Variants in DMD observed in about 807,000 individuals in gnomAD.
DMD encodes dystrophin.
In DMD, 63 loss-of-function variants were observed where a neutral mutation model predicts 330.1. That is an observed-to-expected ratio of 0.19 (90% CI 0.16 to 0.24). The LOEUF (loss-of-function observed/expected upper bound fraction) is 0.24, where lower values mean the gene tolerates loss of function less well. Ranked by LOEUF, DMD falls within the 10% of genes least tolerant of loss-of-function variation. The pLI, the probability that DMD is intolerant of heterozygous loss-of-function variation, is 1.00. For synonymous variants in DMD, 1,223 were observed against 959.8 expected (o/e 1.27, Z -5.07); for missense variants, 3,344 against 2,684.1 (o/e 1.25, Z -5.43).
At chrX:32,958,532 T>C (rs758557783) in intron 2 of DMD, among the ~76,000 whole-genome samples, 9 of 111,205 alleles carry the variant, frequency 8.1e-5, no homozygotes, top group Non-Finnish European at 1.7e-4. Context: ...TTCCACTTAT[T>C]ATATCTCTAA....
At chrX:32,712,557 G>T (rs1383168223) in intron 7 of DMD, among the ~76,000 whole-genome samples, 2 of 111,422 alleles carry the variant, frequency 1.8e-5, no homozygotes, top group African/African-American at 3.3e-5. Context: ...GAAGATATTT[G>T]TACTATGCAT....
At chrX:32,771,714 T>A (rs1193263945) in intron 7 of DMD, among the ~76,000 whole-genome samples, 3 of 111,572 alleles carry the variant, frequency 2.7e-5, no homozygotes, top group Non-Finnish European at 5.6e-5. Context: ...TCTGTACCAC[T>A]TTTGCTATTT....
intron 60 of DMD, among the ~76,000 whole-genome samples, chrX:31,370,494 T>G (rs1041069533): frequency 8.9e-6 from 1 of 112,242 alleles, no homozygotes; most frequent in Non-Finnish European, 1.9e-5. Context: ...GAGATATTCC[T>G]ACACACATAT....
intron 2 of DMD, among the ~76,000 whole-genome samples, chrX:32,864,728 C>T (rs2082347667): frequency 8.9e-6 from 1 of 111,894 alleles, no homozygotes; most frequent in Non-Finnish European, 1.9e-5. Flanking sequence ...TATTTTAGAG[C>T]ACACTGCAAA....
intron 62 of DMD, among the ~76,000 whole-genome samples, chrX:31,307,605 A>C (rs111540108): frequency 9.1e-6 from 1 of 109,412 alleles, no homozygotes; most frequent in Non-Finnish European, 1.9e-5. Flanking sequence ...TACCAAAAAA[A>C]CCCCAAAAAA....
chrX:32,953,031 A>T (rs923454186), intron 2 of DMD, among the ~76,000 whole-genome samples: 2 of 106,887 alleles, frequency 1.9e-5, no homozygotes, highest in African/African-American at 3.4e-5. Context: ...GCTACTCGGG[A>T]GGCTGAGGCA....
intron 2 of DMD, among the ~76,000 whole-genome samples, chrX:32,952,983 A>G (rs1345701503): frequency 2.7e-5 from 3 of 109,688 alleles, no homozygotes; most frequent in Non-Finnish European, 5.7e-5. Context: ...AAAAATACAA[A>G]AAATAGTTGG....
chrX:32,483,146 CAT>C (rs201134649), intron 21 of DMD, among the ~76,000 whole-genome samples: 785 of 39,177 alleles, frequency 0.02, 73 homozygotes, highest in South Asian at 0.073. Context: ...TTTTTCATTC[CAT>C]ATATATATAT....
intron 12 of DMD, among the ~76,000 whole-genome samples, chrX:32,598,588 T>A (rs1331067605): frequency 8.9e-6 from 1 of 112,197 alleles, no homozygotes; most frequent in Non-Finnish European, 1.9e-5. Flanking sequence ...AATTGCTTTT[T>A]CACAATTTTA....
intron 43 of DMD, among the ~76,000 whole-genome samples, chrX:32,249,112 A>G (rs1569553227): frequency 9.0e-6 from 1 of 111,557 alleles, no homozygotes; most frequent in Non-Finnish European, 1.9e-5. Context: ...ATGCTCTACC[A>G]TAAGAATTAC....
rs73617071 is a variant in DMD at position 31,293,248 on chromosome X, A to G, written c.9224+30350T>C. On this transcript the variant is annotated intron_variant, in intron 62 of 78. Transcript: ENST00000357033. ...GTGTGTGTGTGTGTGTGTGTGTGTA[A>G]TCTGGTTTAGGGCTACTGATAATGT... 4.5e-3 allele frequency among the ~76,000 whole-genome samples: 225 copies of G among 49,766 alleles called. 1 individual carries two copies. The highest frequency in any genetic ancestry group is 0.031 in the African/African-American group (203 of 6,603). The allele number at this position is 49,766 out of a possible 115,157, so 43.2% of individuals were successfully genotyped here.
chrX:31,868,565 G>A (rs1488635356), intron 48 of DMD, among the ~76,000 whole-genome samples: 1 of 111,977 alleles, frequency 8.9e-6, no homozygotes, highest in Non-Finnish European at 1.9e-5. Flanking sequence ...AGAGTCAGAT[G>A]TGACCAGTTT....
At chrX:31,323,511 T>C (rs1180770077) in intron 62 of DMD, 87 bp downstream of exon 62, 4 of 776,779 alleles carry the variant, frequency 5.1e-6, no homozygotes, top group African/African-American at 4.1e-5. Context: ...GCCAGGCTAA[T>C]GTCGCATTTT....
Position 32,519,305 on chromosome X carries a change from G to T in DMD, c.2169-1174C>A, listed in dbSNP as rs1424271338. Among the ~76,000 whole-genome samples, 7 of 101,413 alleles carry T rather than the reference G, an allele frequency of 6.9e-5. No homozygotes were observed. In the Admixed American group the frequency reaches 7.6e-4, roughly 11 times the overall value. 88.1% of individuals were successfully genotyped at this position (101,413 alleles called of 115,157 possible). A position where few individuals can be genotyped will look rare whatever the true frequency, so the allele number is the denominator to read the frequency against. On this transcript the variant is annotated intron_variant, in intron 17 of 78. Transcript: ENST00000357033. ...AAAAATCAAACTAAAAGAAACAGAA[G>T]ACAATGTTCATTTCCAGGAGCTGGT...
At chrX:32,620,443 G>C in intron 11 of DMD, among the ~76,000 whole-genome samples, 1 of 112,228 alleles carries the variant, frequency 8.9e-6, no homozygotes. Context: ...CAATAATTTA[G>C]ATTGCACTAT....
At chrX:32,124,794 G>A (rs770642615) in intron 44 of DMD, among the ~76,000 whole-genome samples, 17 of 110,607 alleles carry the variant, frequency 1.5e-4, no homozygotes, top group Admixed American at 7.8e-4. Flanking sequence ...AATTTGTGGA[G>A]GGGGTGACCA....
intron 54 of DMD, among the ~76,000 whole-genome samples, chrX:31,647,583 G>A (rs1273981236): frequency 8.9e-6 from 1 of 111,978 alleles, no homozygotes; most frequent in Non-Finnish European, 1.9e-5. Flanking sequence ...TTAAAAAAGA[G>A]GTTGTGATAA....
chrX:31,232,582 G>A (rs1368289016), intron 63 of DMD, among the ~76,000 whole-genome samples: 1 of 111,451 alleles, frequency 9.0e-6, no homozygotes, highest in Non-Finnish European at 1.9e-5. Flanking sequence ...TAGCCAAGAA[G>A]TCTCAGAAAT....
intron 43 of DMD, among the ~76,000 whole-genome samples, chrX:32,244,230 G>C (rs1045146104): frequency 1.3e-4 from 14 of 105,585 alleles, no homozygotes; most frequent in Non-Finnish European, 2.5e-4. Context: ...TTGTTCTTGC[G>C]ATAGTTTACT....
Sources: gnomAD v4.1 joint callset for allele counts (sites outside exome capture counted in the v4.1 genomes callset) on GRCh38, gnomAD v4.1.1 for gene constraint, MANE v1.5 for transcripts, NCBI Gene and HGNC (gene_info 2026-07-23, HGNC 2026-07-21) for gene names.